The following PSG6 variants were observed in gnomAD, a reference collection of about 807,000 sequenced individuals.
The protein encoded by PSG6 is pregnancy-specific beta-1-glycoprotein 6.
A neutral mutation model predicts 43.3 loss-of-function variants in PSG6; 51 were observed. The ratio of observed to expected loss-of-function variants is 1.18; its 90% CI spans 0.94 to 1.49. The LOEUF is 1.49. Among genes scored for constraint, PSG6 ranks in the 40% most tolerant of loss-of-function variants. The pLI is 0.00. For synonymous variants in PSG6, 292 were observed against 197.6 expected (o/e 1.48, Z -4.01); for missense variants, 770 against 522.2 (o/e 1.47, Z -4.62).
intron 5 of PSG6, among the ~76,000 whole-genome samples, chr19:42,905,485 T>C (rs1290785278): frequency 6.6e-6 from 1 of 151,602 alleles, no homozygotes; most frequent in Non-Finnish European, 1.5e-5. Context: ...GAATGGGAAA[T>C]GTTATAGCCA....
At chr19:42,916,771 G>A (rs907673665) in intron 1 of PSG6, among the ~76,000 whole-genome samples, 2 of 150,920 alleles carry the variant, frequency 1.3e-5, no homozygotes, top group African/African-American at 4.9e-5. Flanking sequence ...GGGTCCGCAC[G>A]GCCCCCTCCA....
rs1371761506 is a variant in PSG6, at chr19:42,907,595, T to G, written c.966A>C (p.Pro322=). 1.9e-6 allele frequency: 3 copies of G among 1,612,050 alleles called. No individual in the cohort carries two copies. In the Admixed American group the frequency reaches 5.0e-5, roughly 27 times the overall value. The change falls in exon 4 of 6, where the codon CCA becomes CCC. Residue 322 remains proline, a synonymous_variant. Coordinates refer to ENST00000187910, the MANE Select transcript of PSG6 (RefSeq NM_001031850.4). ...RDRYGGIRSN[P]VTLNVLYGPD... The stretch of plus-strand genomic sequence containing the variant: ...ACTCACAGAGGACATTCAGGGTGAC[T>G]GGGTTACTGCGGATGCCACCATATC...
rs747703336 is a variant in PSG6, at chr19:42,910,667, T to A, written c.619A>T (p.Thr207Ser). ...TNRTLYLFGV[T>S]KYIAGPYECE... ...TCATAGGGTCCTGCAATATACTTTG[T>A]GACACCAAATAGATAGAGGGTCCTG... is the stretch of plus-strand genomic sequence containing the variant. Residue 207 changes from threonine (T) to serine (S), a missense_variant, in exon 3 of 6, where the codon ACA becomes TCA. Physicochemically the swap from Thr to Ser is moderately conservative, Grantham distance 58. Transcript: ENST00000187910. The A allele has an allele frequency of 3.5e-5, 56 of 1,612,280 alleles. 5 individuals are homozygous for A. In the South Asian group the frequency reaches 6.1e-4, roughly 17 times the overall value.
Position 42,916,204 on chromosome 19 carries a change from T to C in PSG6, c.348A>G (p.Ala116=). 1 of 1,612,266 alleles carries C rather than the reference T, an allele frequency of 6.2e-7. No homozygotes were observed. The highest frequency in any genetic ancestry group is 8.5e-7 in the Non-Finnish European group (1 of 1,179,088). Residue 116 remains alanine, a synonymous_variant, in exon 2 of 6, where the codon GCA becomes GCG. Coordinates refer to ENST00000187910, the MANE Select transcript of PSG6 (RefSeq NM_001031850.4). ...TTATGATGTGTAAGGTGTAGGATCC[T>C]GCATCCTCCTGTGTGACATTCTGGA... ...LLIQNVTQED[A]GSYTLHIIKR...
At chr19:42,912,698 T>G (rs1972250059) in intron 2 of PSG6, among the ~76,000 whole-genome samples, 1 of 151,826 alleles carries the variant, frequency 6.6e-6, no homozygotes, top group Non-Finnish European at 1.5e-5. Context: ...CTTCATTTTC[T>G]CTTAAGGTCA....
At chr19:42,910,184 G>A (rs1972191749) in intron 3 of PSG6, 1 of 346,684 alleles carries the variant, frequency 2.9e-6, no homozygotes, top group East Asian at 6.7e-5. Flanking sequence ...GCGGAGCAAA[G>A]AGAATAATGT....
At chr19:42,908,625 G>T (rs1972162754) in intron 3 of PSG6, among the ~76,000 whole-genome samples, 2 of 151,766 alleles carry the variant, frequency 1.3e-5, no homozygotes, top group South Asian at 4.2e-4. Context: ...GAGGGCAGGT[G>T]AGGACCATGT....
intron 3 of PSG6, chr19:42,909,835 T>A (rs1664661919): frequency 6.6e-6 from 1 of 152,404 alleles, no homozygotes; most frequent in Non-Finnish European, 1.5e-5. Flanking sequence ...CCCTCTCCCT[T>A]TGCAGAGAGC....
chr19:42,917,867 G>A lies in PSG6; in HGVS notation c.-75C>T. The A allele has an allele frequency of 6.5e-7, 1 of 1,542,348 alleles. No individual in the cohort carries two copies. The highest frequency in any genetic ancestry group is 1.2e-5 in the South Asian group (1 of 83,252). On this transcript the variant is annotated 5_prime_UTR_variant, in exon 1 of 6. Transcript: ENST00000187910. ...AGAGACTTCCTGAGCAGGGCTGTCA[G>A]GTGTGCTGTCCTTCCTCCTTCTGTG...
At chr19:42,904,193 C>T (rs1972078336) in intron 5 of PSG6, among the ~76,000 whole-genome samples, 1 of 151,654 alleles carries the variant, frequency 6.6e-6, no homozygotes, top group Non-Finnish European at 1.5e-5. Flanking sequence ...ATGCTAACAT[C>T]TTACATAACA....
At position 42,912,143 on chromosome 19, in the gene PSG6, G is replaced by A. The variant is rs143844662; in HGVS notation, c.428-1285C>T. On this transcript the variant is annotated intron_variant, in intron 2 of 5. Coordinates refer to ENST00000187910, the MANE Select transcript of PSG6 (RefSeq NM_001031850.4). ...TTTAAAATCCACAATGCGCGAGTGA[G>A]CACTTCTTTTTAGCATCACATCAGT... is the stretch of plus-strand genomic sequence containing the variant. 1.7e-3 allele frequency among the ~76,000 whole-genome samples: 251 copies of A among 151,746 alleles called. 6 individuals are homozygous for A. Among genetic ancestry groups the A allele is most frequent in the African/African-American group, 3.7e-3 (154 of 41,386 alleles).
In PSG6 at chr19:42,902,453, G is replaced by T. The variant is rs1972050209; in HGVS notation, c.1241-7C>A. The T allele has an allele frequency of 1.2e-6, 2 of 1,610,758 alleles. No homozygotes were observed. Among genetic ancestry groups the T allele is most frequent in the Non-Finnish European group, 1.7e-6 (2 of 1,178,190 alleles). On this transcript the variant is annotated splice_region_variant and splice_polypyrimidine_tract_variant and intron_variant, in intron 5 of 5. Coordinates refer to ENST00000187910, the MANE Select transcript of PSG6 (RefSeq NM_001031850.4). ...TGGTTTCCATGGCAGGGACCTGATT[G>T]ACAGAAGGCCCAGGTCAGCGCATTT...
Position 42,902,246 on chromosome 19 carries a change from G to T in PSG6, c.*166C>A. The T allele has an allele frequency of 4.4e-6, 4 of 910,304 alleles. No individual in the cohort carries two copies. Among genetic ancestry groups the T allele is most frequent in the Non-Finnish European group, 6.4e-6 (4 of 622,950 alleles). The allele number at this position is 910,304 out of a possible 1,614,324, so 56.4% of individuals were successfully genotyped here. On this transcript the variant is annotated 3_prime_UTR_variant, in exon 6 of 6. Coordinates refer to ENST00000187910, the MANE Select transcript of PSG6 (RefSeq NM_001031850.4). ...TGAAGAAAAAAAGTTCATAAATCTG[G>T]AGAATAAAACATTCCAAGAATCAGC...
chr19:42,911,925 G>A (rs763399644), intron 2 of PSG6, among the ~76,000 whole-genome samples: 1 of 151,488 alleles, frequency 6.6e-6, no homozygotes, highest in Non-Finnish European at 1.5e-5. Context: ...GCGTTGTTCC[G>A]TGGGTGTGCG....
rs201730074 is a variant in PSG6 at position 42,916,418 on chromosome 19, A to T, written c.134T>A (p.Val45Asp). Residue 45 changes from valine to aspartate, a missense_variant, in exon 2 of 6, where the codon GTT becomes GAT. By Grantham distance (152) the Val-to-Asp change is radical. Transcript: ENST00000187910. Reference sequence around the variant, plus strand: ...TAGAAGAACATCCTTCCCCTCGGAAACTTTGGGTGGCTTGGCTTCAATTAT... The same window carrying T: ...TAGAAGAACATCCTTCCCCTCGGAATCTTTGGGTGGCTTGGCTTCAATTAT... ...QVIIEAKPPKVSEGKDVLLLV... is the reference protein window; with the variant it reads ...QVIIEAKPPKDSEGKDVLLLV... 59 of 1,611,912 alleles carry T rather than the reference A, an allele frequency of 3.7e-5. No individual in the cohort carries two copies. The highest frequency in any genetic ancestry group is 1.6e-4 in the Middle Eastern group (1 of 6,080).
rs142536569 is a variant in PSG6 at position 42,910,641 on chromosome 19, T to A, written c.645A>T (p.Glu215Asp). 1 of 1,612,270 alleles carries A rather than the reference T, an allele frequency of 6.2e-7. No homozygotes were observed. The highest frequency in any genetic ancestry group is 8.5e-7 in the Non-Finnish European group (1 of 1,179,252). ...GVTKYIAGPY[E>D]CEIRNPVSAS... The stretch of plus-strand genomic sequence containing the variant: ...CACTCACTGGGTTCCGTATTTCACA[T>A]TCATAGGGTCCTGCAATATACTTTG... The change falls in exon 3 of 6, where the codon GAA becomes GAT. Residue 215 changes from glutamate (E) to aspartate (D), a missense_variant. Transcript: ENST00000187910.
At chr19:42,904,581 C>T (rs1374493711) in intron 5 of PSG6, among the ~76,000 whole-genome samples, 2 of 151,394 alleles carry the variant, frequency 1.3e-5, no homozygotes, top group Non-Finnish European at 2.9e-5. Flanking sequence ...ATAAGTTTAA[C>T]CAAAGAGGTG....
chr19:42,915,736 A>G (rs912433863), intron 2 of PSG6: 34 of 328,380 alleles, frequency 1.0e-4, no homozygotes, highest in Non-Finnish European at 1.5e-4. Flanking sequence ...GGGGTCTGGG[A>G]TTGAGGCTTC....
chr19:42,914,700 A>G (rs1004354031), intron 2 of PSG6, among the ~76,000 whole-genome samples: 1 of 151,630 alleles, frequency 6.6e-6, no homozygotes, highest in African/African-American at 2.4e-5. Context: ...TCCAAGATCC[A>G]GTCTCTAAAG....
Sources: gnomAD v4.1 joint callset for allele counts (sites outside exome capture counted in the v4.1 genomes callset) on GRCh38, gnomAD v4.1.1 for gene constraint, MANE v1.5 for transcripts, NCBI Gene and HGNC (gene_info 2026-07-23, HGNC 2026-07-21) for gene names.